Variants in KIF2A observed in about 807,000 individuals in gnomAD.
KIF2A encodes kinesin family member 2A.
In KIF2A, 22 loss-of-function variants were observed where a neutral mutation model predicts 100.2. The observed-to-expected ratio is 0.22, with a 90% CI of 0.16 to 0.31. The LOEUF is 0.31. KIF2A is among the 10% of genes least tolerant of loss of function. The pLI is 1.00. For missense variants in KIF2A, 495 were observed against 898.7 expected (o/e 0.55, Z 5.74); for synonymous variants, 268 against 285.9 (o/e 0.94, Z 0.63).
rs55721963 is a variant in KIF2A at position 62,360,962 on chromosome 5, T to C, written c.873-280T>C. The stretch of plus-strand genomic sequence containing the variant: ...CTGTTTCTGTTGAAATTATAATACT[T>C]TGTGTTTGTTTTTATTGTATATGCC... On this transcript the variant is annotated intron_variant, in intron 9 of 20. Transcript: ENST00000407818. Among the ~76,000 whole-genome samples, 13,642 of 152,172 alleles carry C rather than the reference T, an allele frequency of 0.09. 770 individuals are homozygous for C. Among genetic ancestry groups the C allele is most frequent in the African/African-American group, 0.16 (6,542 of 41,484 alleles).
At chr5:62,310,613 C>T (rs916980630) in intron 1 of KIF2A, among the ~76,000 whole-genome samples, 4 of 151,054 alleles carry the variant, frequency 2.6e-5, no homozygotes, top group African/African-American at 9.9e-5. Flanking sequence ...TCAGGAACTA[C>T]AGCGTTAATT....
Position 62,306,389 on chromosome 5 carries a change from C to T in KIF2A, c.-84C>T. On this transcript the variant is annotated 5_prime_UTR_variant, in exon 1 of 21. Coordinates refer to ENST00000407818, the MANE Select transcript of KIF2A (RefSeq NM_001098511.3). ...GCGGCCGCGGGCAACCGCTCCCCCT[C>T]CCACACCTACCCCGCCCCCTCCCCG... is the stretch of plus-strand genomic sequence containing the variant. The T allele has an allele frequency of 1.3e-6, 1 of 792,358 alleles. No homozygotes were observed. Among genetic ancestry groups the T allele is most frequent in the South Asian group, 1.6e-5 (1 of 62,468 alleles). 49.1% of individuals were successfully genotyped at this position (792,358 alleles called of 1,614,324 possible). A position where few individuals can be genotyped will look rare whatever the true frequency, so the allele number is the denominator to read the frequency against.
intron 1 of KIF2A, among the ~76,000 whole-genome samples, chr5:62,310,215 G>C (rs1057264127): frequency 6.6e-6 from 1 of 151,700 alleles, no homozygotes; most frequent in Non-Finnish European, 1.5e-5. Flanking sequence ...CACCATGCCC[G>C]GCTAATTTTT....
intron 1 of KIF2A, among the ~76,000 whole-genome samples, chr5:62,334,645 C>T (rs144652357): frequency 7.1e-4 from 108 of 152,248 alleles, no homozygotes; most frequent in African/African-American, 2.4e-3. Flanking sequence ...TTGTACCCCT[C>T]AGCCCCCTAA....
chr5:62,360,316 CAG>C (rs1165336858), intron 9 of KIF2A, among the ~76,000 whole-genome samples: 1 of 151,920 alleles, frequency 6.6e-6, no homozygotes, highest in Non-Finnish European at 1.5e-5. Context: ...GTGTACTGCT[CAG>C]GGGAAAAGTA....
chr5:62,325,074 A>G (rs1049627072), intron 1 of KIF2A, among the ~76,000 whole-genome samples: 2 of 152,022 alleles, frequency 1.3e-5, no homozygotes, highest in African/African-American at 4.8e-5. Context: ...TCCTCTTCCA[A>G]GTTGTACTTT....
At chr5:62,321,761 G>A (rs1172866106) in intron 1 of KIF2A, among the ~76,000 whole-genome samples, 2 of 151,954 alleles carry the variant, frequency 1.3e-5, no homozygotes, top group East Asian at 1.9e-4. Context: ...GTTTCGCCAC[G>A]TTTCCTAGGC....
chr5:62,337,361 G>A (rs1747018653), intron 1 of KIF2A, among the ~76,000 whole-genome samples: 1 of 151,958 alleles, frequency 6.6e-6, no homozygotes, highest in Non-Finnish European at 1.5e-5. Context: ...GTGTGGTGGC[G>A]CGTGCATGTA....
chr5:62,379,085 A>G (rs784902), intron 19 of KIF2A, among the ~76,000 whole-genome samples: 38,078 of 151,168 alleles, frequency 0.25, 4,879 homozygotes, highest in Middle Eastern at 0.31. Context: ...AGACCAGCCT[A>G]GGCAACATGG....
intron 9 of KIF2A, among the ~76,000 whole-genome samples, chr5:62,360,875 T>C (rs749759769): frequency 6.6e-6 from 1 of 152,162 alleles, no homozygotes; most frequent in African/African-American, 2.4e-5. Context: ...CTATAGATAA[T>C]ATTTTTGCAG....
intron 14 of KIF2A, among the ~76,000 whole-genome samples, chr5:62,364,262 C>T (rs981620417): frequency 6.6e-6 from 1 of 152,072 alleles, no homozygotes; most frequent in Non-Finnish European, 1.5e-5. Flanking sequence ...ATTCTCCTGC[C>T]TCAGCCTCTC....
intron 1 of KIF2A, among the ~76,000 whole-genome samples, chr5:62,335,954 T>C (rs1189263765): frequency 1.3e-5 from 2 of 152,196 alleles, no homozygotes; most frequent in African/African-American, 4.8e-5. Context: ...TATAACAATG[T>C]AAACTTAGAA....
intron 1 of KIF2A, among the ~76,000 whole-genome samples, chr5:62,336,205 A>G (rs546475416): frequency 6.6e-6 from 1 of 152,150 alleles, no homozygotes; most frequent in South Asian, 2.1e-4. Context: ...TTTGATTCCT[A>G]TAGGATGATG....
rs761527371 is a variant in KIF2A, at chr5:62,348,177, G to A, written c.279+10G>A. The A allele has an allele frequency of 6.2e-7, 1 of 1,613,228 alleles. No homozygotes were observed. Among genetic ancestry groups the A allele is most frequent in the Non-Finnish European group, 8.5e-7 (1 of 1,179,472 alleles). The stretch of plus-strand genomic sequence containing the variant: ...AAACAAAATTGTAAAGGTTAGTGAT[G>A]AAAATTCAGAGTGCAGGACACTGGG... On this transcript the variant is annotated intron_variant, in intron 3 of 20. Coordinates refer to ENST00000407818, the MANE Select transcript of KIF2A (RefSeq NM_001098511.3).
chr5:62,361,223 G>T lies in KIF2A; in HGVS notation c.873-19G>T. The T allele has an allele frequency of 7.3e-7, 1 of 1,376,364 alleles. No homozygotes were observed. Among genetic ancestry groups the T allele is most frequent in the Non-Finnish European group, 1.0e-6 (1 of 977,350 alleles). 85.3% of individuals were successfully genotyped at this position (1,376,364 alleles called of 1,614,324 possible). ...AAAATATTGGTGACACATTCTGACT[G>T]ATGCATTTTATTTTTAAGGTTTACT... On this transcript the variant is annotated intron_variant, in intron 9 of 20. Coordinates refer to ENST00000407818, the MANE Select transcript of KIF2A (RefSeq NM_001098511.3).
chr5:62,377,590 TAA>T, intron 18 of KIF2A, 69 bp from the exon 19 acceptor site: 1 of 793,768 alleles, frequency 1.3e-6, no homozygotes, highest in Non-Finnish European at 1.9e-6. Flanking sequence ...TTTTCTAAAT[TAA>T]AAAAAACTAC....
Position 62,385,702 on chromosome 5 carries a change from A to C in KIF2A, c.*133A>C. 2 of 623,888 alleles carry C rather than the reference A, an allele frequency of 3.2e-6. No homozygotes were observed. Among genetic ancestry groups the C allele is most frequent in the South Asian group, 4.5e-5 (2 of 44,406 alleles). 38.6% of individuals were successfully genotyped at this position (623,888 alleles called of 1,614,324 possible). A position where few individuals can be genotyped will look rare whatever the true frequency, so the allele number is the denominator to read the frequency against. Reference sequence around the variant, plus strand: ...ATGTTTTGTCCTTCACCTGAATTACATTTCAATTTTGTGAAACACTCTTTT... The same window carrying C: ...ATGTTTTGTCCTTCACCTGAATTACCTTTCAATTTTGTGAAACACTCTTTT... On this transcript the variant is annotated 3_prime_UTR_variant, in exon 21 of 21. Transcript: ENST00000407818.
At chr5:62,350,914 A>G (rs1337319687) in intron 4 of KIF2A, among the ~76,000 whole-genome samples, 2 of 148,080 alleles carry the variant, frequency 1.4e-5, no homozygotes, top group Non-Finnish European at 3.0e-5. Flanking sequence ...TCCATCTCCA[A>G]AAAAAAAAAA....
intron 18 of KIF2A, among the ~76,000 whole-genome samples, chr5:62,374,728 A>C (rs574868804): frequency 3.3e-5 from 5 of 152,274 alleles, no homozygotes; most frequent in Admixed American, 3.3e-4. Flanking sequence ...TCAGGAGTTC[A>C]AGACCAGCCT....
Sources: gnomAD v4.1 joint callset for allele counts (sites outside exome capture counted in the v4.1 genomes callset) on GRCh38, gnomAD v4.1.1 for gene constraint, MANE v1.5 for transcripts, NCBI Gene and HGNC (gene_info 2026-07-23, HGNC 2026-07-21) for gene names.